GLRB: variants seen among roughly 807,000 people sequenced by gnomAD.
GLRB encodes the protein glycine receptor beta, also known as glycine receptor subunit beta.
In GLRB, 33 loss-of-function variants were observed where a neutral mutation model predicts 54.2. That is an observed-to-expected ratio of 0.61 (90% confidence interval 0.46 to 0.81). GLRB has a LOEUF of 0.81. Among genes scored for constraint, GLRB ranks in the 40% least tolerant of loss-of-function variants. The pLI, the probability that GLRB is intolerant of heterozygous loss-of-function variation, is 0.00. For synonymous variants in GLRB, 209 were observed against 208.2 expected, an observed-to-expected ratio of 1.00 and a Z score of -0.03; for missense variants, 572 against 584.6, an observed-to-expected ratio of 0.98 and a Z score of 0.22.
intron 2 of GLRB, among the ~76,000 whole-genome samples, chr4:157,104,736 G>A (rs1735158420): frequency 6.6e-6 from 1 of 151,916 alleles, no homozygotes; most frequent in Non-Finnish European, 1.5e-5. Context: ...CCCTTTACTA[G>A]TTAGAAGTCT....
intron 9 of GLRB, among the ~76,000 whole-genome samples, chr4:157,169,162 T>G (rs917986791): frequency 4.6e-5 from 7 of 152,070 alleles, no homozygotes; most frequent in African/African-American, 1.7e-4. Flanking sequence ...TTAATTATAT[T>G]AATAAAGCAG....
chr4:157,097,759 G>A (rs1181760974), intron 2 of GLRB, among the ~76,000 whole-genome samples: 2 of 152,188 alleles, frequency 1.3e-5, no homozygotes, highest in African/African-American at 4.8e-5. Context: ...ACTGGCTCAC[G>A]CCCGTAATCC....
chr4:157,120,279 T>C (rs961553752), intron 2 of GLRB, among the ~76,000 whole-genome samples: 1 of 149,928 alleles, frequency 6.7e-6, no homozygotes, highest in African/African-American at 2.4e-5. Context: ...ATATACCTAA[T>C]GCTAAATGAC....
At chr4:157,136,734 T>A (rs1345074757) in intron 5 of GLRB, 36 bp downstream of exon 5, 8 of 1,526,430 alleles carry the variant, frequency 5.2e-6, no homozygotes, top group Non-Finnish European at 7.3e-6. Context: ...GCATTTATAT[T>A]TTCCTTCTAA....
chr4:157,086,749 G>A (rs1452810779), intron 2 of GLRB, among the ~76,000 whole-genome samples: 6 of 152,138 alleles, frequency 3.9e-5, no homozygotes, highest in Non-Finnish European at 2.9e-5. Flanking sequence ...GGTTTCCTTA[G>A]GAGCTTCTTT....
rs1024667138 is a variant in GLRB at position 157,136,480 on chromosome 4, T to C, written c.309T>C (p.Val103=). 3 of 1,594,824 alleles carry C rather than the reference T, an allele frequency of 1.9e-6. No homozygotes were observed. Among genetic ancestry groups the C allele is most frequent in the African/African-American group, 2.7e-5 (2 of 74,566 alleles). The stretch of plus-strand genomic sequence containing the variant: ...TACTTTTTCTTCAGGACTATAGAGT[T>C]AACATCTTCCTGAGACAAAAATGGA... ...SIQETTMDYR[V]NIFLRQKWND... The change falls in exon 5 of 10, where the codon GTT becomes GTC. Residue 103 remains valine (V), a synonymous_variant. Coordinates refer to ENST00000264428, the MANE Select transcript of GLRB (RefSeq NM_000824.5).
chr4:157,111,702 T>C (rs1396635675), intron 2 of GLRB, among the ~76,000 whole-genome samples: 1 of 152,018 alleles, frequency 6.6e-6, no homozygotes, highest in African/African-American at 2.4e-5. Flanking sequence ...GGCTTCCTTT[T>C]TCACTATCTT....
intron 2 of GLRB, among the ~76,000 whole-genome samples, chr4:157,093,565 G>C (rs1325153609): frequency 6.6e-6 from 1 of 151,902 alleles, no homozygotes; most frequent in Non-Finnish European, 1.5e-5. Flanking sequence ...GACCATCCTG[G>C]CCAACATGCT....
chr4:157,135,091 A>C (rs1736352801), intron 4 of GLRB, among the ~76,000 whole-genome samples: 1 of 152,130 alleles, frequency 6.6e-6, no homozygotes, highest in African/African-American at 2.4e-5. Context: ...CTAACAACTT[A>C]AAAATTAAAT....
intron 4 of GLRB, among the ~76,000 whole-genome samples, chr4:157,130,233 G>A (rs7655209): frequency 0.27 from 41,351 of 151,424 alleles, 8,172 homozygotes; most frequent in African/African-American, 0.56. Context: ...TGTTTTTGCT[G>A]TAATCTTCAG....
chr4:157,127,077 G>C (rs1434479074), intron 4 of GLRB, among the ~76,000 whole-genome samples: 1 of 151,584 alleles, frequency 6.6e-6, no homozygotes, highest in Non-Finnish European at 1.5e-5. Flanking sequence ...TCATATTTGG[G>C]ATCCACTAAA....
At position 157,170,488 on chromosome 4, in the gene GLRB, T is replaced by G. The variant is rs373002083; in HGVS notation, c.1254T>G (p.Asn418Lys). 3.3e-5 allele frequency: 53 copies of G among 1,608,804 alleles called. No homozygotes were observed. The highest frequency in any genetic ancestry group is 4.4e-5 in the Non-Finnish European group (52 of 1,175,492). The change falls in exon 10 of 10, where the codon AAT becomes AAG. Residue 418 changes from asparagine to lysine, a missense_variant. Asn to Lys is a moderately conservative substitution (Grantham distance 94). Transcript: ENST00000264428. ...CTTCTAAGTCTGATCTGAGATCTAATGACTTCAGCATTGTTGGAAGCTTAC... is the reference window on the plus strand; with the variant it reads ...CTTCTAAGTCTGATCTGAGATCTAAGGACTTCAGCATTGTTGGAAGCTTAC... ...VCTSKSDLRS[N>K]DFSIVGSLPR... is the part of the protein sequence containing the mutation.
intron 2 of GLRB, among the ~76,000 whole-genome samples, chr4:157,080,703 A>C (rs145743032): frequency 6.6e-6 from 1 of 152,178 alleles, no homozygotes; most frequent in Non-Finnish European, 1.5e-5. Flanking sequence ...AATATTGAAA[A>C]TTACAAAACC....
chr4:157,118,925 G>A (rs1735703367), intron 2 of GLRB, among the ~76,000 whole-genome samples: 1 of 151,486 alleles, frequency 6.6e-6, no homozygotes, highest in Non-Finnish European at 1.5e-5. Context: ...GATTGTCATG[G>A]ATTTTGTGTG....
At chr4:157,121,179 G>T (rs186152401) in intron 3 of GLRB, among the ~76,000 whole-genome samples, 2 of 151,728 alleles carry the variant, frequency 1.3e-5, no homozygotes, top group Admixed American at 6.6e-5. Context: ...ATTTTTAAAA[G>T]CATGTTAGCT....
At chr4:157,132,777 T>C (rs901859626) in intron 4 of GLRB, among the ~76,000 whole-genome samples, 1 of 151,926 alleles carries the variant, frequency 6.6e-6, no homozygotes, top group Non-Finnish European at 1.5e-5. Context: ...GAATGATTGT[T>C]TAACAGAGTC....
intron 4 of GLRB, 95 bp from the exon 5 acceptor site, chr4:157,136,374 C>T: frequency 2.7e-6 from 2 of 734,696 alleles, no homozygotes; most frequent in Non-Finnish European, 4.9e-6. Flanking sequence ...ATATTTGTGC[C>T]ACTAATCATT....
chr4:157,151,616 C>CA (rs1737025349), intron 8 of GLRB, among the ~76,000 whole-genome samples: 1 of 151,740 alleles, frequency 6.6e-6, no homozygotes. Context: ...TTCTTGAATG[C>CA]AAAAAACACT....
intron 7 of GLRB, among the ~76,000 whole-genome samples, chr4:157,142,176 A>T (rs569571677): frequency 1.6e-4 from 24 of 152,204 alleles, no homozygotes; most frequent in Non-Finnish European, 3.2e-4. Context: ...TTAGTTAGAA[A>T]CATATGTTCT....
Sources: allele counts gnomAD v4.1 joint callset (sites outside exome capture counted in the v4.1 genomes callset), GRCh38; gene constraint gnomAD v4.1.1; transcripts MANE v1.5; gene names NCBI Gene and HGNC (gene_info 2026-07-23, HGNC 2026-07-21).